Variants in RUNX1 observed in about 807,000 individuals in gnomAD.
RUNX1 encodes runt-related transcription factor 1.
A neutral mutation model predicts 42.8 loss-of-function variants in RUNX1; 19 were observed. The ratio of observed to expected loss-of-function variants is 0.44; its 90% confidence interval spans 0.31 to 0.65. RUNX1 has a LOEUF of 0.65. RUNX1 is among the 30% of genes least tolerant of loss of function. The pLI is 0.07. For missense variants in RUNX1, 528 were observed against 672.0 expected (o/e 0.79, Z 2.37); for synonymous variants, 271 against 289.4 (o/e 0.94, Z 0.64).
intron 6 of RUNX1, among the ~76,000 whole-genome samples, chr21:34,858,875 C>CT (rs1435854675): frequency 1.6e-4 from 24 of 152,174 alleles, no homozygotes. Flanking sequence ...TTTTTAAAAG[C>CT]TTCCCTCACA....
chr21:34,842,897 T>G (rs1398155315), intron 6 of RUNX1, among the ~76,000 whole-genome samples: 1 of 151,904 alleles, frequency 6.6e-6, no homozygotes, highest in Non-Finnish European at 1.5e-5. Context: ...TGAAACCCCA[T>G]CTCTACTAAA....
At chr21:34,936,340 A>C (rs1262704381) in intron 2 of RUNX1, among the ~76,000 whole-genome samples, 1 of 152,192 alleles carries the variant, frequency 6.6e-6, no homozygotes, top group Non-Finnish European at 1.5e-5. Context: ...AACTTGGCTA[A>C]ATTTAGCTTT....
intron 3 of RUNX1, among the ~76,000 whole-genome samples, chr21:34,888,952 G>A (rs1431147707): frequency 6.6e-6 from 1 of 151,470 alleles, no homozygotes; most frequent in South Asian, 2.1e-4. Flanking sequence ...CTGGCCCGGG[G>A]CCCCGCCCGC....
chr21:35,022,717 A>T (rs2059207791), intron 2 of RUNX1, among the ~76,000 whole-genome samples: 1 of 152,060 alleles, frequency 6.6e-6, no homozygotes, highest in Non-Finnish European at 1.5e-5. Flanking sequence ...CAACATGGTG[A>T]GATCCCATCT....
chr21:34,960,761 C>T (rs1484438350), intron 2 of RUNX1, among the ~76,000 whole-genome samples: 3 of 152,134 alleles, frequency 2.0e-5, no homozygotes, highest in East Asian at 3.9e-4. Context: ...TGGCTGTGAC[C>T]GATGAACAAA....
At chr21:34,967,988 G>C (rs966420180) in intron 2 of RUNX1, among the ~76,000 whole-genome samples, 1 of 152,098 alleles carries the variant, frequency 6.6e-6, no homozygotes. Flanking sequence ...GTGCCTTAAA[G>C]TCTGAGAAAA....
At chr21:34,896,685 A>AAAAAGAAAAG (rs10639291) in intron 2 of RUNX1, among the ~76,000 whole-genome samples, 2 of 151,340 alleles carry the variant, frequency 1.3e-5, no homozygotes, top group Middle Eastern at 3.2e-3. Flanking sequence ...TCTGTCTCAT[A>AAAAAGAAAAG]AAAAGAAAAG....
chr21:34,830,358 A>G (rs2057046149), intron 7 of RUNX1, among the ~76,000 whole-genome samples: 1 of 152,182 alleles, frequency 6.6e-6, no homozygotes, highest in Admixed American at 6.5e-5. Flanking sequence ...TTTTCTCCCA[A>G]ACTTTATAAA....
At chr21:34,846,614 C>T (rs1046221649) in intron 6 of RUNX1, among the ~76,000 whole-genome samples, 1 of 152,184 alleles carries the variant, frequency 6.6e-6, no homozygotes, top group Non-Finnish European at 1.5e-5. Context: ...CTAGCAGGGC[C>T]AGACATAGAC....
intron 6 of RUNX1, among the ~76,000 whole-genome samples, chr21:34,845,028 A>G (rs1314370963): frequency 6.6e-6 from 1 of 152,236 alleles, no homozygotes; most frequent in Non-Finnish European, 1.5e-5. Context: ...TCATTCAGGC[A>G]TCAGGCTCAC....
intron 2 of RUNX1, among the ~76,000 whole-genome samples, chr21:34,915,782 G>A (rs1027602579): frequency 2.6e-5 from 4 of 151,996 alleles, no homozygotes; most frequent in Non-Finnish European, 5.9e-5. Flanking sequence ...TTTTTCCTAG[G>A]TCAGTGTTAT....
At chr21:34,974,359 C>T (rs943829271) in intron 2 of RUNX1, among the ~76,000 whole-genome samples, 1 of 150,274 alleles carries the variant, frequency 6.7e-6, no homozygotes, top group South Asian at 2.1e-4. Flanking sequence ...GAAACGAGGG[C>T]AAGCTTTGCA....
At chr21:34,938,645 C>G (rs1335360141) in intron 2 of RUNX1, among the ~76,000 whole-genome samples, 3 of 151,876 alleles carry the variant, frequency 2.0e-5, no homozygotes, top group African/African-American at 7.3e-5. Flanking sequence ...CCAAATGACA[C>G]ATCGTCTGAA....
At chr21:34,933,707 T>C (rs2058464758) in intron 2 of RUNX1, among the ~76,000 whole-genome samples, 1 of 152,224 alleles carries the variant, frequency 6.6e-6, no homozygotes, top group Non-Finnish European at 1.5e-5. Flanking sequence ...TGCACTGAAC[T>C]CACTGGTGTG....
intron 2 of RUNX1, among the ~76,000 whole-genome samples, chr21:34,956,785 T>C (rs2058647401): frequency 6.6e-6 from 1 of 152,160 alleles, no homozygotes. Context: ...CCTCTTCCTC[T>C]TTTTCTCTCC....
chr21:34,889,305 G>T lies in RUNX1; in HGVS notation c.98-2209C>A, dbSNP rs8128138. On this transcript the variant is annotated intron_variant, in intron 3 of 8. Coordinates refer to ENST00000675419, the MANE Select transcript of RUNX1 (RefSeq NM_001754.5). ...CTGGCAGCTGCGGCGAAGCGGCGCT[G>T]ATTCCTTGCATGAGGCCGGACGGCG... Among the ~76,000 whole-genome samples, 903 of 152,226 alleles carry T rather than the reference G, an allele frequency of 5.9e-3. 10 individuals carry two copies. Among genetic ancestry groups the T allele is most frequent in the African/African-American group, 0.019 (796 of 41,552 alleles).
At chr21:34,978,786 G>A (rs2058822773) in intron 2 of RUNX1, among the ~76,000 whole-genome samples, 1 of 152,118 alleles carries the variant, frequency 6.6e-6, no homozygotes, top group Admixed American at 6.5e-5. Flanking sequence ...ACTGTGGGCT[G>A]TTGTATTGTT....
At position 34,862,137 on chromosome 21, in the gene RUNX1, T is replaced by G. The variant is rs2057586365; in HGVS notation, c.509-2559A>C. ...GTATGAGAGAGAGAGAGAGAGAGAC[T>G]GAGGTGGTTCTTTCAGCAAGAGAGT... On this transcript the variant is annotated intron_variant, in intron 5 of 8. Transcript: ENST00000675419. Among the ~76,000 whole-genome samples the G allele has an allele frequency of 7.3e-5, 11 of 151,410 alleles. No individual in the cohort carries two copies. The South Asian group carries it at 2.3e-3, about 32-fold the overall frequency.
chr21:34,998,751 C>T (rs899197855), intron 2 of RUNX1, among the ~76,000 whole-genome samples: 1 of 152,112 alleles, frequency 6.6e-6, no homozygotes, highest in Non-Finnish European at 1.5e-5. Context: ...CCGAGTTAGC[C>T]AGGATGGTCT....
Sources: gnomAD v4.1 joint callset for allele counts (sites outside exome capture counted in the v4.1 genomes callset) on GRCh38, gnomAD v4.1.1 for gene constraint, MANE v1.5 for transcripts, NCBI Gene and HGNC (gene_info 2026-07-23, HGNC 2026-07-21) for gene names.